The following OR4K13 variants were observed in gnomAD, a reference collection of about 807,000 sequenced individuals.
The protein encoded by OR4K13 is olfactory receptor 4K13.
For synonymous variants in OR4K13, 160 were observed against 134.8 expected (o/e 1.19, Z -1.30); for missense variants, 403 against 366.0 (o/e 1.10, Z -0.82).
Position 20,032,207 on chromosome 14 carries a change from T to C in OR4K13, c.*1637A>G, listed in dbSNP as rs1877438253. The C allele has an allele frequency of 6.6e-6, 1 of 152,188 alleles. No individual in the cohort carries two copies. Among genetic ancestry groups the C allele is most frequent in the Non-Finnish European group, 1.5e-5 (1 of 68,042 alleles). The allele number at this position is 152,188 out of a possible 1,614,324, so 9.4% of individuals were successfully genotyped here. On this transcript the variant is annotated 3_prime_UTR_variant, in exon 2 of 2. Coordinates refer to ENST00000641904, the MANE Select transcript of OR4K13 (RefSeq NM_001004714.2). ...CTAGGATTTCTAAGCAAGTCCTTAATTAGATAAGAAACACTGTGTATGAAT... is the reference window on the plus strand; with the variant it reads ...CTAGGATTTCTAAGCAAGTCCTTAACTAGATAAGAAACACTGTGTATGAAT...
Position 20,032,310 on chromosome 14 carries a change from T to C in OR4K13, c.*1534A>G, listed in dbSNP as rs1877440798. ...GATTCAGAAAGAAAGAAAAAAAAAGTTTGAAAATGCATTTTGAGGCTGGGA... is the reference window on the plus strand; with the variant it reads ...GATTCAGAAAGAAAGAAAAAAAAAGCTTGAAAATGCATTTTGAGGCTGGGA... On this transcript the variant is annotated 3_prime_UTR_variant, in exon 2 of 2. Coordinates refer to ENST00000641904, the MANE Select transcript of OR4K13 (RefSeq NM_001004714.2). 1 of 152,186 alleles carries C rather than the reference T, an allele frequency of 6.6e-6. No individual in the cohort carries two copies. Among genetic ancestry groups the C allele is most frequent in the Non-Finnish European group, 1.5e-5 (1 of 68,028 alleles). 9.4% of individuals were successfully genotyped at this position (152,186 alleles called of 1,614,324 possible).
rs370881689 is a variant in OR4K13, at chr14:20,034,358, G to T, written c.401C>A (p.Thr134Asn). 1.2e-6 allele frequency: 2 copies of T among 1,613,976 alleles called. No homozygotes were observed. Among genetic ancestry groups the T allele is most frequent in the South Asian group, 1.1e-5 (1 of 91,068 alleles). ...VAICKPLHYM[T>N]IMSPRVLTGL... ...AGTGAGCACCCGTGGGCTCATGATG[G>T]TCATGTAATGGAGGGGTTTGCATAT... Residue 134 changes from threonine (T) to asparagine (N), a missense_variant, in exon 2 of 2, where the codon ACC (threonine) becomes AAC (asparagine). Coordinates refer to ENST00000641904, the MANE Select transcript of OR4K13 (RefSeq NM_001004714.2).
Position 20,033,973 on chromosome 14 carries a change from G to T in OR4K13, c.786C>A (p.Phe262Leu). Reference sequence around the variant, plus strand: ...GAATTTTATCTACCGAGTATCTGCTGAAGGGCCAGACGTAGATAAAGACAC... The same window carrying T: ...GAATTTTATCTACCGAGTATCTGCTTAAGGGCCAGACGTAGATAAAGACAC... ...APCVFIYVWP[F>L]SRYSVDKILS... The change falls in exon 2 of 2, where the codon TTC becomes TTA. Residue 262 changes from phenylalanine to leucine, a missense_variant. Physicochemically the swap from Phe to Leu is conservative, Grantham distance 22. Transcript: ENST00000641904. The T allele has an allele frequency of 6.2e-7, 1 of 1,613,712 alleles. No homozygotes were observed. The highest frequency in any genetic ancestry group is 8.5e-7 in the Non-Finnish European group (1 of 1,179,680).
At chr14:20,035,694 G>A (rs1877551495) in intron 1 of OR4K13, 1 of 151,888 alleles carries the variant, frequency 6.6e-6, no homozygotes, top group African/African-American at 2.4e-5. Flanking sequence ...GGTTGTCATA[G>A]GTTTCAAAAT....
rs1877411148 is a variant in OR4K13 at position 20,031,216 on chromosome 14, T to C, written c.*2628A>G. 6.6e-6 allele frequency: 1 copy of C among 152,072 alleles called. No individual in the cohort carries two copies. Among genetic ancestry groups the C allele is most frequent in the South Asian group, 2.1e-4 (1 of 4,822 alleles). 9.4% of individuals were successfully genotyped at this position (152,072 alleles called of 1,614,324 possible). ...GCCGAGAACCTCATGCTCAGTCTCG[T>C]TTCCAAATTTCAGTCATCTATAAAT... On this transcript the variant is annotated 3_prime_UTR_variant, in exon 2 of 2. Transcript: ENST00000641904.
Position 20,031,753 on chromosome 14 carries a change from T to C in OR4K13, c.*2091A>G, listed in dbSNP as rs1877422386. ...TAGATATAATATAACCAGCTTAAAA[T>C]ATAACCAGCTGAAGTCTCCCCCGCC... On this transcript the variant is annotated 3_prime_UTR_variant, in exon 2 of 2. Coordinates refer to ENST00000641904, the MANE Select transcript of OR4K13 (RefSeq NM_001004714.2). The C allele has an allele frequency of 6.6e-6, 1 of 152,020 alleles. No individual in the cohort carries two copies. The highest frequency in any genetic ancestry group is 1.5e-5 in the Non-Finnish European group (1 of 68,004). 9.4% of individuals were successfully genotyped at this position (152,020 alleles called of 1,614,324 possible). A position where few individuals can be genotyped will look rare whatever the true frequency, so the allele number is the denominator to read the frequency against.
In OR4K13 at chr14:20,034,891, C is replaced by G. The variant is rs958149341; in HGVS notation, c.-133G>C. ...TCAAGGCACTTGAACTTACAAGGACCCTTACTTTTGTGGAATTTTGTCAGT... is the reference window on the plus strand; with the variant it reads ...TCAAGGCACTTGAACTTACAAGGACGCTTACTTTTGTGGAATTTTGTCAGT... On this transcript the variant is annotated 5_prime_UTR_variant, in exon 2 of 2. Coordinates refer to ENST00000641904, the MANE Select transcript of OR4K13 (RefSeq NM_001004714.2). The G allele has an allele frequency of 4.1e-6, 3 of 733,976 alleles. No homozygotes were observed. Among genetic ancestry groups the G allele is most frequent in the Non-Finnish European group, 6.5e-6 (3 of 462,498 alleles). The allele number at this position is 733,976 out of a possible 1,614,324, so 45.5% of individuals were successfully genotyped here. A position where few individuals can be genotyped will look rare whatever the true frequency, so the allele number is the denominator to read the frequency against.
Position 20,033,284 on chromosome 14 carries a change from C to A in OR4K13, c.*560G>T. On this transcript the variant is annotated 3_prime_UTR_variant, in exon 2 of 2. Coordinates refer to ENST00000641904, the MANE Select transcript of OR4K13 (RefSeq NM_001004714.2). ...TTAATACACACTAATCAGGGATTAC[C>A]CAGAACATGCAGTTTTCTAGCCTGT... The A allele has an allele frequency of 6.5e-6, 1 of 152,852 alleles. No homozygotes were observed. The highest frequency in any genetic ancestry group is 1.5e-5 in the Non-Finnish European group (1 of 68,538). The allele number at this position is 152,852 out of a possible 1,614,324, so 9.5% of individuals were successfully genotyped here.
In OR4K13 at chr14:20,034,675, GA is replaced by G; in HGVS notation, c.83del (p.Phe28SerfsTer13). ...CCACGAAGACCACAGAGAATCCCAAGAAGAATAAAATCTGAAGATTTTGAGA... is the reference window on the plus strand; with the variant it reads ...CCACGAAGACCACAGAGAATCCCAAGAGAATAAAATCTGAAGATTTTGAGA... ...SKSQNLQILFFLGFSVVFVGI... is the reference protein window; with the variant it reads ...SKSQNLQILFXLGFSVVFVGI... On this transcript the variant is annotated frameshift_variant, in exon 2 of 2. Transcript: ENST00000641904. LOFTEE classifies it low-confidence loss of function (END_TRUNC). 1 of 1,613,516 alleles carries G rather than the reference GA, an allele frequency of 6.2e-7. No homozygotes were observed. The highest frequency in any genetic ancestry group is 8.5e-7 in the Non-Finnish European group (1 of 1,179,818).
In OR4K13 at chr14:20,031,926, G is replaced by C. The variant is rs1400331905; in HGVS notation, c.*1918C>G. ...GATGGCCAGGCTCATGCCTTTAACA[G>C]ACCATTCCCCGTTTGGGGGCTAAGT... On this transcript the variant is annotated 3_prime_UTR_variant, in exon 2 of 2. Coordinates refer to ENST00000641904, the MANE Select transcript of OR4K13 (RefSeq NM_001004714.2). The C allele has an allele frequency of 1.3e-5, 2 of 152,196 alleles. No individual in the cohort carries two copies. Among genetic ancestry groups the C allele is most frequent in the Non-Finnish European group, 2.9e-5 (2 of 68,068 alleles). 9.4% of individuals were successfully genotyped at this position (152,196 alleles called of 1,614,324 possible). A position where few individuals can be genotyped will look rare whatever the true frequency, so the allele number is the denominator to read the frequency against.
In OR4K13 at chr14:20,031,935, C is replaced by T. The variant is rs1365366028; in HGVS notation, c.*1909G>A. The T allele has an allele frequency of 6.6e-6, 1 of 152,210 alleles. No homozygotes were observed. Among genetic ancestry groups the T allele is most frequent in the Non-Finnish European group, 1.5e-5 (1 of 68,084 alleles). 9.4% of individuals were successfully genotyped at this position (152,210 alleles called of 1,614,324 possible). ...GCTCATGCCTTTAACAGACCATTCC[C>T]CGTTTGGGGGCTAAGTAAAGGAGTT... On this transcript the variant is annotated 3_prime_UTR_variant, in exon 2 of 2. Transcript: ENST00000641904.
rs1877422817 is a variant in OR4K13 at position 20,031,767 on chromosome 14, G to A, written c.*2077C>T. On this transcript the variant is annotated 3_prime_UTR_variant, in exon 2 of 2. Transcript: ENST00000641904. The stretch of plus-strand genomic sequence containing the variant: ...CCAGCTTAAAATATAACCAGCTGAA[G>A]TCTCCCCCGCCTCCCCCCACCCCGA... 1 of 151,706 alleles carries A rather than the reference G, an allele frequency of 6.6e-6. No homozygotes were observed. Among genetic ancestry groups the A allele is most frequent in the African/African-American group, 2.4e-5 (1 of 41,264 alleles). 9.4% of individuals were successfully genotyped at this position (151,706 alleles called of 1,614,324 possible).
In OR4K13 at chr14:20,033,818, T is replaced by C. The variant is rs1170756827; in HGVS notation, c.*26A>G. On this transcript the variant is annotated 3_prime_UTR_variant, in exon 2 of 2. Transcript: ENST00000641904. The stretch of plus-strand genomic sequence containing the variant: ...AAACAAGAGAGTGTCTCTTCAAAAG[T>C]CTCATCTAAAAAGTATGCTTTAAAT... The C allele has an allele frequency of 1.7e-6, 2 of 1,193,100 alleles. No individual in the cohort carries two copies. Among genetic ancestry groups the C allele is most frequent in the Admixed American group, 2.3e-5 (1 of 43,980 alleles). The allele number at this position is 1,193,100 out of a possible 1,614,324, so 73.9% of individuals were successfully genotyped here. A position where few individuals can be genotyped will look rare whatever the true frequency, so the allele number is the denominator to read the frequency against.
At position 20,034,214 on chromosome 14, in the gene OR4K13, G is replaced by A. The variant is rs1257049993; in HGVS notation, c.545C>T (p.Pro182Leu). The A allele has an allele frequency of 6.2e-7, 1 of 1,614,004 alleles. No individual in the cohort carries two copies. The highest frequency in any genetic ancestry group is 2.2e-5 in the East Asian group (1 of 44,892). ...CTTGCAGGCAAGTTTAATCACAAGG[G>A]GAAGGTCACAGAAAAAGCTGTCTAT... Reference protein sequence around the residue: ...NVIDSFFCDLPLVIKLACKDT... With the variant: ...NVIDSFFCDLLLVIKLACKDT... The change falls in exon 2 of 2, where the codon CCC becomes CTC. Residue 182 changes from proline to leucine, a missense_variant. Transcript: ENST00000641904.
chr14:20,034,888 G>C lies in OR4K13; in HGVS notation c.-130C>G. On this transcript the variant is annotated 5_prime_UTR_variant, in exon 2 of 2. Coordinates refer to ENST00000641904, the MANE Select transcript of OR4K13 (RefSeq NM_001004714.2). Reference sequence around the variant, plus strand: ...CAGTCAAGGCACTTGAACTTACAAGGACCCTTACTTTTGTGGAATTTTGTC... The same window carrying C: ...CAGTCAAGGCACTTGAACTTACAAGCACCCTTACTTTTGTGGAATTTTGTC... The C allele has an allele frequency of 1.3e-6, 1 of 746,668 alleles. No individual in the cohort carries two copies. Among genetic ancestry groups the C allele is most frequent in the Middle Eastern group, 3.1e-4 (1 of 3,224 alleles). 46.3% of individuals were successfully genotyped at this position (746,668 alleles called of 1,614,324 possible).
chr14:20,034,784 C>T lies in OR4K13; in HGVS notation c.-26G>A, dbSNP rs192379708. The T allele has an allele frequency of 1.3e-6, 2 of 1,550,592 alleles. No homozygotes were observed. Among genetic ancestry groups the T allele is most frequent in the African/African-American group, 1.4e-5 (1 of 72,440 alleles). On this transcript the variant is annotated 5_prime_UTR_variant, in exon 2 of 2. It removes the in-frame stop codon of an upstream open reading frame in the 5' UTR. Coordinates refer to ENST00000641904, the MANE Select transcript of OR4K13 (RefSeq NM_001004714.2). ...ATCGTCAACTTTATCCCATAATGAT[C>T]AAAATAAGTGAGAATAAGGGGTAGG...
chr14:20,030,529 G>A lies in OR4K13; in HGVS notation c.*3315C>T, dbSNP rs557099448. On this transcript the variant is annotated 3_prime_UTR_variant, in exon 2 of 2. Coordinates refer to ENST00000641904, the MANE Select transcript of OR4K13 (RefSeq NM_001004714.2). ...AAGTGTCAATCTTCCCTTCTCCCTT[G>A]TGAGTCCTGAACAAATTCATAGGTA... The A allele has an allele frequency of 3.9e-5, 6 of 152,208 alleles. No individual in the cohort carries two copies. The South Asian group carries it at 1.0e-3, about 26-fold the overall frequency. 9.4% of individuals were successfully genotyped at this position (152,208 alleles called of 1,614,324 possible). A position where few individuals can be genotyped will look rare whatever the true frequency, so the allele number is the denominator to read the frequency against.
rs912226143 is a variant in OR4K13, at chr14:20,030,620, C to A, written c.*3224G>T. ...GGTAAAGTTGCACTGGACTTAAAAC[C>A]CCAAGAGTCTTCCTACTACTTTCCC... On this transcript the variant is annotated 3_prime_UTR_variant, in exon 2 of 2. Coordinates refer to ENST00000641904, the MANE Select transcript of OR4K13 (RefSeq NM_001004714.2). 4 of 152,066 alleles carry A rather than the reference C, an allele frequency of 2.6e-5. No homozygotes were observed. Among genetic ancestry groups the A allele is most frequent in the Non-Finnish European group, 1.5e-5 (1 of 68,020 alleles). 9.4% of individuals were successfully genotyped at this position (152,066 alleles called of 1,614,324 possible). A position where few individuals can be genotyped will look rare whatever the true frequency, so the allele number is the denominator to read the frequency against.
At position 20,034,874 on chromosome 14, in the gene OR4K13, C is replaced by G. The variant is rs561184588; in HGVS notation, c.-116G>C. The stretch of plus-strand genomic sequence containing the variant: ...CCACATTTGGTACTCAGTCAAGGCA[C>G]TTGAACTTACAAGGACCCTTACTTT... On this transcript the variant is annotated 5_prime_UTR_variant, in exon 2 of 2. Transcript: ENST00000641904. The G allele has an allele frequency of 7.3e-5, 62 of 850,730 alleles. No individual in the cohort carries two copies. In the African/African-American group the frequency reaches 9.9e-4, roughly 14 times the overall value. 52.7% of individuals were successfully genotyped at this position (850,730 alleles called of 1,614,324 possible). A position where few individuals can be genotyped will look rare whatever the true frequency, so the allele number is the denominator to read the frequency against.
Sources: allele counts gnomAD v4.1 joint callset, GRCh38; gene constraint gnomAD v4.1.1; transcripts MANE v1.5; gene names NCBI Gene and HGNC (gene_info 2026-07-23, HGNC 2026-07-21).